The following PHF24 variants were observed in gnomAD, a reference collection of about 807,000 sequenced individuals.
The protein encoded by PHF24 is Galpha inhibitory interacting protein.
A neutral mutation model predicts 42.6 loss-of-function variants in PHF24; 25 were observed. The observed-to-expected ratio is 0.59, with a 90% CI of 0.43 to 0.82. The LOEUF is 0.82. Ranked by LOEUF, PHF24 falls within the 40% of genes least tolerant of loss-of-function variation. PHF24 has a pLI of 0.00. For missense variants in PHF24, 470 were observed against 538.1 expected (o/e 0.87, Z 1.25); for synonymous variants, 185 against 204.8 (o/e 0.90, Z 0.83).
the PHF24 span, among the ~76,000 whole-genome samples, chr9:34,735,816 G>A: frequency 6.6e-6 from 1 of 151,552 alleles, no homozygotes; most frequent in African/African-American, 2.4e-5. Flanking sequence ...AAAAAAGAGA[G>A]ACAAAGCAAT....
the PHF24 span, among the ~76,000 whole-genome samples, chr9:34,853,825 C>T: frequency 8.9e-6 from 1 of 112,370 alleles, no homozygotes. Context: ...GAGACTCCGT[C>T]TCAAAAAAAA....
chr9:34,931,300 C>G, the PHF24 span, among the ~76,000 whole-genome samples: 1 of 146,630 alleles, frequency 6.8e-6, no homozygotes, highest in Non-Finnish European at 1.5e-5. Context: ...GGCATGAACC[C>G]GAGAGGCGGA....
At chr9:34,846,246 T>G in the PHF24 span, among the ~76,000 whole-genome samples, 1 of 152,166 alleles carries the variant, frequency 6.6e-6, no homozygotes, top group African/African-American at 2.4e-5. Flanking sequence ...TTTCTCCACA[T>G]CCTCTCCAGC....
At chr9:34,671,955 G>A in the PHF24 span, among the ~76,000 whole-genome samples, 2 of 151,912 alleles carry the variant, frequency 1.3e-5, no homozygotes, top group Non-Finnish European at 2.9e-5. Context: ...CTGTTCATCT[G>A]TATGTTCAAC....
the PHF24 span, among the ~76,000 whole-genome samples, chr9:34,822,338 G>A: frequency 6.6e-6 from 1 of 151,918 alleles, no homozygotes. Flanking sequence ...ATGATGAATT[G>A]TTTCAGCCAT....
the PHF24 span, among the ~76,000 whole-genome samples, chr9:34,747,358 T>C: frequency 1.3e-5 from 2 of 151,992 alleles, no homozygotes; most frequent in African/African-American, 2.4e-5. Flanking sequence ...CAAGGCTGCA[T>C]TGAACTATGA....
chr9:34,799,941 C>T, the PHF24 span, among the ~76,000 whole-genome samples: 2 of 151,964 alleles, frequency 1.3e-5, 1 homozygote, highest in Non-Finnish European at 2.9e-5. Flanking sequence ...AATGTGTACA[C>T]ATTGACACAG....
At chr9:34,681,193 C>A in the PHF24 span, 5 of 152,224 alleles carry the variant, frequency 3.3e-5, no homozygotes, top group Non-Finnish European at 7.3e-5. Context: ...GTGCTGGAGA[C>A]TTGCCTGGAC....
chr9:34,915,285 C>G, the PHF24 span, among the ~76,000 whole-genome samples: 1 of 152,106 alleles, frequency 6.6e-6, no homozygotes, highest in African/African-American at 2.4e-5. Flanking sequence ...TAGTTCCTAA[C>G]ATGTGCGTCT....
chr9:34,721,703 G>T, the PHF24 span, among the ~76,000 whole-genome samples: 2 of 152,094 alleles, frequency 1.3e-5, no homozygotes, highest in African/African-American at 4.8e-5. Flanking sequence ...GAGCCACTGT[G>T]CCCAGCCGTC....
the PHF24 span, among the ~76,000 whole-genome samples, chr9:34,702,759 A>G: frequency 2.0e-5 from 3 of 152,190 alleles, no homozygotes; most frequent in Non-Finnish European, 4.4e-5. Flanking sequence ...GCAGTGAGCT[A>G]TTACTGCACC....
the PHF24 span, chr9:34,709,194 T>A: frequency 1.5e-6 from 1 of 666,870 alleles, no homozygotes; most frequent in Non-Finnish European, 2.6e-6. Context: ...GGACCTGGCC[T>A]GCTGTGGGCA....
At chr9:34,808,237 ATAG>A in the PHF24 span, among the ~76,000 whole-genome samples, 1 of 152,214 alleles carries the variant, frequency 6.6e-6, no homozygotes, top group Non-Finnish European at 1.5e-5. Flanking sequence ...ATAGTACTTC[ATAG>A]TAGTGTGAAG....
chr9:34,670,631 C>T, the PHF24 span, among the ~76,000 whole-genome samples: 1 of 152,152 alleles, frequency 6.6e-6, no homozygotes, highest in Admixed American at 6.5e-5. Flanking sequence ...AGAGTTTGCA[C>T]TATTACCATT....
chr9:34,928,779 A>G, the PHF24 span, among the ~76,000 whole-genome samples: 3 of 152,138 alleles, frequency 2.0e-5, no homozygotes, highest in African/African-American at 7.2e-5. Flanking sequence ...GCTTATCTCT[A>G]ATCCATCCCT....
At chr9:34,820,714 A>G in the PHF24 span, among the ~76,000 whole-genome samples, 2 of 152,160 alleles carry the variant, frequency 1.3e-5, no homozygotes, top group East Asian at 3.9e-4. Context: ...ATGTGTCTTT[A>G]TGGTAGGATG....
the PHF24 span, among the ~76,000 whole-genome samples, chr9:34,694,306 A>G: frequency 6.6e-6 from 1 of 150,434 alleles, no homozygotes; most frequent in Non-Finnish European, 1.5e-5. Context: ...AGTAGCTGGG[A>G]TTAGAGGCAC....
the PHF24 span, among the ~76,000 whole-genome samples, chr9:34,750,707 CA>C: frequency 6.6e-6 from 1 of 150,928 alleles, no homozygotes; most frequent in African/African-American, 2.4e-5. Flanking sequence ...AATAGATACA[CA>C]AAAAACAGGA....
the PHF24 span, chr9:34,918,087 G>A: frequency 2.0e-6 from 3 of 1,531,392 alleles, no homozygotes; most frequent in Non-Finnish European, 1.8e-6. Flanking sequence ...TGGATTCCAT[G>A]AAACCTCCAA....
Sources: allele counts gnomAD v4.1 joint callset (sites outside exome capture counted in the v4.1 genomes callset), GRCh38; gene constraint gnomAD v4.1.1; transcripts MANE v1.5; gene names NCBI Gene and HGNC (gene_info 2026-07-23, HGNC 2026-07-21).